The following PLB1 variants were observed in gnomAD, a reference collection of about 807,000 sequenced individuals.
The protein encoded by PLB1 is phospholipase B1.
PLB1 carries 242 observed loss-of-function variants against 227.4 expected under a neutral mutation model. The observed-to-expected ratio is 1.06, with a 90% confidence interval of 0.96 to 1.18. The LOEUF is 1.18. Among genes scored for constraint, PLB1 ranks in the 50% most tolerant of loss-of-function variants. The probability of loss-of-function intolerance (pLI) is 0.00; values close to 1 mark genes in which losing one functional copy is unlikely to be tolerated. For missense variants in PLB1, 1,858 were observed against 1,816.3 expected, an observed-to-expected ratio of 1.02 and a Z score of -0.42; for synonymous variants, 757 against 682.2, an observed-to-expected ratio of 1.11 and a Z score of -1.71.
Position 28,597,976 on chromosome 2 carries a change from T to C in PLB1, c.2322-29T>C, listed in dbSNP as rs1469216639. ...GATTCAACCAATATGTCTCTCCCTC[T>C]CATTCACTGGCTTGCTCACTCCCTA... On this transcript the variant is annotated intron_variant, in intron 33 of 57. Coordinates refer to ENST00000327757, the MANE Select transcript of PLB1 (RefSeq NM_153021.5). The C allele has an allele frequency of 2.5e-6, 4 of 1,602,636 alleles. No individual in the cohort carries two copies. In the East Asian group the frequency reaches 8.9e-5, roughly 36 times the overall value.
Position 28,532,196 on chromosome 2 carries a change from T to C in PLB1, c.555+2T>C. 4 of 1,608,030 alleles carry C rather than the reference T, an allele frequency of 2.5e-6. No homozygotes were observed. The highest frequency in any genetic ancestry group is 3.4e-6 in the Non-Finnish European group (4 of 1,175,850). On this transcript the variant is annotated splice_donor_variant, in intron 9 of 57. Transcript: ENST00000327757. LOFTEE classifies it high-confidence loss of function. ...TACCTGTGCCCCTCTGCTCAACAGG[T>C]AAATGGCAGCCTTGGGGACCAAGGG...
chr2:28,573,047 C>T (rs1573064055), intron 20 of PLB1, 150 bp from the exon 21 acceptor site: 3 of 624,700 alleles, frequency 4.8e-6, no homozygotes, highest in East Asian at 2.8e-5. Flanking sequence ...TCCTGCTGAA[C>T]ATTTTCTTCC....
chr2:28,560,839 C>T (rs920112901), intron 17 of PLB1, among the ~76,000 whole-genome samples: 53 of 152,148 alleles, frequency 3.5e-4, no homozygotes, highest in African/African-American at 1.3e-3. Context: ...GCCCTGTGGC[C>T]CTAACCTACC....
chr2:28,620,207 C>A, intron 46 of PLB1, 58 bp from the exon 47 acceptor site: 1 of 1,260,748 alleles, frequency 7.9e-7, no homozygotes, highest in Non-Finnish European at 1.1e-6. Flanking sequence ...CCAGAGGAGG[C>A]TCTTCCAGTG....
chr2:28,602,814 C>A lies in PLB1; in HGVS notation c.2674-7C>A, dbSNP rs758164148. ...AGCCCCCCTCTCATCTGCAGCTTTT[C>A]CCTTAGGTGCCCAGAGTCCTGGTCA... is the stretch of plus-strand genomic sequence containing the variant. On this transcript the variant is annotated splice_region_variant and splice_polypyrimidine_tract_variant and intron_variant, in intron 38 of 57. Transcript: ENST00000327757. 3.2e-5 allele frequency: 52 copies of A among 1,613,606 alleles called. No homozygotes were observed. Among genetic ancestry groups the A allele is most frequent in the Non-Finnish European group, 4.4e-5 (52 of 1,179,542 alleles).
At chr2:28,558,533 T>C (rs946641284) in intron 17 of PLB1, among the ~76,000 whole-genome samples, 1 of 152,218 alleles carries the variant, frequency 6.6e-6, no homozygotes, top group African/African-American at 2.4e-5. Flanking sequence ...CTGCACAGCC[T>C]GATGGACACG....
At chr2:28,633,144 C>A in intron 56 of PLB1, 105 bp downstream of exon 56, 1 of 929,576 alleles carries the variant, frequency 1.1e-6, no homozygotes, top group East Asian at 2.5e-5. Context: ...CCTTTCTCCC[C>A]AAAGCCCAAA....
chr2:28,597,159 G>A (rs1295464031), intron 33 of PLB1, among the ~76,000 whole-genome samples: 1 of 149,272 alleles, frequency 6.7e-6, no homozygotes, highest in Non-Finnish European at 1.5e-5. Flanking sequence ...AGCTACTCGG[G>A]AGGCTGAGGC....
chr2:28,534,731 G>C (rs970621481), intron 9 of PLB1, among the ~76,000 whole-genome samples: 7 of 152,166 alleles, frequency 4.6e-5, no homozygotes, highest in African/African-American at 1.7e-4. Flanking sequence ...GCAGGCACCT[G>C]TAGTCCCAGC....
intron 20 of PLB1, among the ~76,000 whole-genome samples, chr2:28,572,932 G>T (rs1054283626): frequency 6.6e-6 from 1 of 152,150 alleles, no homozygotes; most frequent in Admixed American, 6.5e-5. Context: ...CTAGTATATA[G>T]TTAGAAAAAA....
At chr2:28,523,058 A>G (rs923415724) in intron 4 of PLB1, among the ~76,000 whole-genome samples, 1 of 152,218 alleles carries the variant, frequency 6.6e-6, no homozygotes, top group African/African-American at 2.4e-5. Context: ...TAATTGCTAT[A>G]GACCCCCTTT....
chr2:28,602,927 C>T lies in PLB1; in HGVS notation c.2774+6C>T. ...TGCCCAGTGCAGCAGGCCAGGTAGG[C>T]AGGTCCTGGCTGTCCCCACACTGGA... On this transcript the variant is annotated splice_donor_region_variant and intron_variant, in intron 39 of 57. Coordinates refer to ENST00000327757, the MANE Select transcript of PLB1 (RefSeq NM_153021.5). The T allele has an allele frequency of 6.2e-7, 1 of 1,612,240 alleles. No homozygotes were observed.
intron 17 of PLB1, among the ~76,000 whole-genome samples, chr2:28,558,817 G>A (rs1159514110): frequency 1.3e-5 from 2 of 152,174 alleles, no homozygotes; most frequent in Non-Finnish European, 2.9e-5. Flanking sequence ...GTTGTCATCA[G>A]GCTGTGCAGT....
intron 22 of PLB1, among the ~76,000 whole-genome samples, 168 bp downstream of exon 22, chr2:28,578,326 CT>C (rs1482563567): frequency 6.6e-6 from 1 of 152,218 alleles, no homozygotes; most frequent in Non-Finnish European, 1.5e-5. Context: ...AGTCAGTTGG[CT>C]GTTGAAATTA....
intron 49 of PLB1, among the ~76,000 whole-genome samples, chr2:28,621,624 C>T (rs34471196): frequency 0.066 from 10,001 of 152,138 alleles, 398 homozygotes; most frequent in Non-Finnish European, 0.091. Context: ...GGGTGTATGC[C>T]TTGTAGAAGG....
chr2:28,615,072 G>A lies in PLB1; in HGVS notation c.3195+976G>A, dbSNP rs535871699. On this transcript the variant is annotated intron_variant, in intron 44 of 57. Coordinates refer to ENST00000327757, the MANE Select transcript of PLB1 (RefSeq NM_153021.5). ...CATGCAGGCCAGGCCTTCCTGAGGT[G>A]AGATTTAAACTGAGACATGCATAAT... is the stretch of plus-strand genomic sequence containing the variant. Among the ~76,000 whole-genome samples the A allele has an allele frequency of 2.0e-5, 3 of 152,210 alleles. No individual in the cohort carries two copies. In the South Asian group the frequency reaches 6.2e-4, roughly 32 times the overall value.
At position 28,550,983 on chromosome 2, in the gene PLB1, A is replaced by C. The variant is rs1248586868; in HGVS notation, c.1083+899A>C. ...GGCCATCCCCTGGGTGCCTGGAAGC[A>C]GGTCTCCCCCACAGTTCATCTTCCG... On this transcript the variant is annotated intron_variant, in intron 16 of 57. Transcript: ENST00000327757. Among the ~76,000 whole-genome samples, 3 of 152,204 alleles carry C rather than the reference A, an allele frequency of 2.0e-5. No homozygotes were observed. The East Asian group carries it at 5.8e-4, about 29-fold the overall frequency.
intron 17 of PLB1, among the ~76,000 whole-genome samples, chr2:28,556,072 G>A (rs1049285124): frequency 2.6e-5 from 4 of 151,646 alleles, no homozygotes; most frequent in African/African-American, 9.7e-5. Context: ...TATGTTGCCC[G>A]GGCTGGCCTT....
chr2:28,583,722 C>T (rs1680443652), intron 25 of PLB1, among the ~76,000 whole-genome samples: 2 of 152,164 alleles, frequency 1.3e-5, no homozygotes, highest in South Asian at 2.1e-4. Context: ...GATGCTCCAA[C>T]AACAGGTTCC....
Sources: allele counts gnomAD v4.1 joint callset (sites outside exome capture counted in the v4.1 genomes callset), GRCh38; gene constraint gnomAD v4.1.1; transcripts MANE v1.5; gene names NCBI Gene and HGNC (gene_info 2026-07-23, HGNC 2026-07-21).